SLC26A11: variants seen among roughly 807,000 people sequenced by gnomAD.
SLC26A11 encodes the protein solute carrier family 26 member 11.
Under a neutral mutation model 62.2 loss-of-function variants are expected in SLC26A11, and 58 were observed. The ratio of observed to expected loss-of-function variants is 0.93; its 90% CI spans 0.76 to 1.16. The LOEUF (loss-of-function observed/expected upper bound fraction) is 1.16. Ranked by LOEUF, SLC26A11 falls within the 50% of genes most tolerant of loss-of-function variation. The pLI is 0.00. For synonymous variants in SLC26A11, 411 were observed against 368.9 expected, an observed-to-expected ratio of 1.11 and a Z score of -1.31; for missense variants, 790 against 794.3, an observed-to-expected ratio of 0.99 and a Z score of 0.06.
chr17:80,249,343 G>A, intron 16 of SLC26A11, 56 bp downstream of exon 16: 1 of 1,593,028 alleles, frequency 6.3e-7, no homozygotes, highest in Non-Finnish European at 8.5e-7. Flanking sequence ...GCCTTCCTGT[G>A]CCTGCCTCCC....
intron 7 of SLC26A11, among the ~76,000 whole-genome samples, chr17:80,234,881 G>A (rs991968435): frequency 1.4e-5 from 2 of 143,956 alleles, no homozygotes; most frequent in Non-Finnish European, 3.0e-5. Flanking sequence ...ATGGAGTTTC[G>A]CTCTGTTGTC....
intron 1 of SLC26A11, 31 bp downstream of exon 1, chr17:80,220,527 G>A: frequency 2.2e-6 from 1 of 444,892 alleles, no homozygotes; most frequent in East Asian, 3.7e-5. Flanking sequence ...GGCGGCGAGC[G>A]GGGACCAGGG....
Position 80,238,824 on chromosome 17 carries a change from TTTG to T in SLC26A11, c.985+1233_985+1235del, listed in dbSNP as rs1482415602. Reference sequence around the variant, plus strand: ...CCCTTCAAAGGAGTTTTTTTTGTTTTTTGTTTTTTTTTTTTTTTGGAGACAGAG... The same window carrying T: ...CCCTTCAAAGGAGTTTTTTTTGTTTTTTTTTTTTTTTTTTTGGAGACAGAG... On this transcript the variant is annotated intron_variant, in intron 9 of 17. Coordinates refer to ENST00000361193, the MANE Select transcript of SLC26A11 (RefSeq NM_001166347.2). 2.3e-4 allele frequency among the ~76,000 whole-genome samples: 32 copies of T among 136,192 alleles called. 4 individuals carry two copies. The highest frequency in any genetic ancestry group is 7.5e-4 in the African/African-American group (25 of 33,214). 89.3% of individuals were successfully genotyped at this position (136,192 alleles called of 152,430 possible). A position where few individuals can be genotyped will look rare whatever the true frequency, so the allele number is the denominator to read the frequency against.
chr17:80,241,773 T>C lies in SLC26A11; in HGVS notation c.988T>C (p.Ser330Pro). 6.2e-7 allele frequency: 1 copy of C among 1,614,178 alleles called. No individual in the cohort carries two copies. Among genetic ancestry groups the C allele is most frequent in the Non-Finnish European group, 8.5e-7 (1 of 1,180,016 alleles). The change falls in exon 10 of 18, where the codon TCT becomes CCT. Residue 330 changes from serine to proline, a missense_variant and splice_region_variant. By Grantham distance (74) the Ser-to-Pro change is moderately conservative. Transcript: ENST00000361193. ...TCTTTACCGTTGGTTCCCTTTAGCA[T>C]CTCAGAATAATTACCGCATCGATGC... ...ESIAVAKAFA[S>P]QNNYRIDANQ...
chr17:80,234,880 C>T (rs1445909461), intron 7 of SLC26A11, among the ~76,000 whole-genome samples: 3 of 143,398 alleles, frequency 2.1e-5, no homozygotes, highest in Admixed American at 7.2e-5. Context: ...GATGGAGTTT[C>T]GCTCTGTTGT....
intron 5 of SLC26A11, 84 bp from the exon 6 acceptor site, chr17:80,225,753 C>T: frequency 8.2e-7 from 1 of 1,225,420 alleles, no homozygotes; most frequent in Admixed American, 1.7e-5. Context: ...TGTCTCAGCC[C>T]TAGGGGAGGT....
rs146924772 is a variant in SLC26A11 at position 80,222,786 on chromosome 17, C to A, written c.366C>A (p.Tyr122Ter). Residue 122 changes from tyrosine (Y) to a stop codon, truncating the protein, a stop_gained, in exon 4 of 18, where the codon TAC becomes TAA. Coordinates refer to ENST00000361193, the MANE Select transcript of SLC26A11 (RefSeq NM_001166347.2). LOFTEE classifies it high-confidence loss of function. This position sits in a 1 kb window ranked among gnomAD's most constrained non-coding sequence, Gnocchi z 4.7. Reference protein sequence around the residue: ...VSFYTFHEPAYAVLLAFLSGC... With the variant: ...VSFYTFHEPA Reference sequence around the variant, plus strand: ...TCTACACCTTCCATGAGCCCGCCTACGCTGTGCTGCTGGCCTTCCTGTCCG... The same window carrying A: ...TCTACACCTTCCATGAGCCCGCCTAAGCTGTGCTGCTGGCCTTCCTGTCCG... 3 of 1,614,218 alleles carry A rather than the reference C, an allele frequency of 1.9e-6. No homozygotes were observed. The African/African-American group carries it at 4.0e-5, about 22-fold the overall frequency.
At chr17:80,244,266 G>A (rs1223253872) in intron 10 of SLC26A11, among the ~76,000 whole-genome samples, 1 of 152,228 alleles carries the variant, frequency 6.6e-6, no homozygotes, top group East Asian at 1.9e-4. Context: ...CCCCAGCAAT[G>A]CTGTGGGCGT....
intron 2 of SLC26A11, 164 bp from the exon 3 acceptor site, chr17:80,221,384 C>T: frequency 1.8e-6 from 1 of 566,098 alleles, no homozygotes; most frequent in Admixed American, 3.4e-5. Flanking sequence ...TTGGCCCAGT[C>T]CCCATCTTGC....
At chr17:80,249,439 T>A (rs6565661) in intron 16 of SLC26A11, 152 bp downstream of exon 16, 1 of 1,119,958 alleles carries the variant, frequency 8.9e-7, no homozygotes, top group Non-Finnish European at 1.2e-6. Flanking sequence ...CAGTTCTTGT[T>A]CCCATCTGGC....
At chr17:80,251,180 CT>C in intron 16 of SLC26A11, 148 bp from the exon 17 acceptor site, 3 of 1,510,202 alleles carry the variant, frequency 2.0e-6, no homozygotes, top group African/African-American at 1.4e-5. Context: ...CAGCATTCCC[CT>C]GGGGCTGCGT....
Position 80,223,223 on chromosome 17 carries a change from C to T in SLC26A11, c.428-29C>T. 1.9e-6 allele frequency: 3 copies of T among 1,601,994 alleles called. No homozygotes were observed. The highest frequency in any genetic ancestry group is 2.6e-6 in the Non-Finnish European group (3 of 1,169,144). ...CTCTGGGACTGGGTGGAGCCGGGAC[C>T]AGCTCGATGTCCCCTCTTGGCTGGC... On this transcript the variant is annotated intron_variant, in intron 4 of 17. Coordinates refer to ENST00000361193, the MANE Select transcript of SLC26A11 (RefSeq NM_001166347.2). This position sits in a 1 kb window ranked among gnomAD's most constrained non-coding sequence, Gnocchi z 4.6.
At chr17:80,237,302 G>A in intron 8 of SLC26A11, 199 bp downstream of exon 8, 2 of 778,746 alleles carry the variant, frequency 2.6e-6, no homozygotes, top group Non-Finnish European at 4.0e-6. Context: ...TCACGTTTGT[G>A]TTCAGGGGCG....
chr17:80,242,856 G>C (rs2042901089), intron 10 of SLC26A11, among the ~76,000 whole-genome samples: 2 of 152,008 alleles, frequency 1.3e-5, no homozygotes, highest in Admixed American at 1.3e-4. Flanking sequence ...CTACAGGCGT[G>C]TGCCACCACG....
Position 80,228,063 on chromosome 17 carries a change from G to C in SLC26A11, c.736+103G>C, listed in dbSNP as rs1598800887. 1 of 1,062,724 alleles carries C rather than the reference G, an allele frequency of 9.4e-7. No homozygotes were observed. Among genetic ancestry groups the C allele is most frequent in the Non-Finnish European group, 1.4e-6 (1 of 736,062 alleles). 65.8% of individuals were successfully genotyped at this position (1,062,724 alleles called of 1,614,324 possible). A position where few individuals can be genotyped will look rare whatever the true frequency, so the allele number is the denominator to read the frequency against. On this transcript the variant is annotated intron_variant, in intron 7 of 17. Coordinates refer to ENST00000361193, the MANE Select transcript of SLC26A11 (RefSeq NM_001166347.2). This position sits in a 1 kb window ranked among gnomAD's most constrained non-coding sequence, Gnocchi z 4.1. ...AGGGATTCTCACGTCATTGGTCTGGGTGTCACTTGAGCATTGGGACATTTA... is the reference window on the plus strand; with the variant it reads ...AGGGATTCTCACGTCATTGGTCTGGCTGTCACTTGAGCATTGGGACATTTA...
At chr17:80,236,596 T>C (rs1187947925) in intron 7 of SLC26A11, among the ~76,000 whole-genome samples, 1 of 152,144 alleles carries the variant, frequency 6.6e-6, no homozygotes, top group Non-Finnish European at 1.5e-5. Flanking sequence ...GTAAATCTGG[T>C]TTCTTCCTCC....
rs758365577 is a variant in SLC26A11 at position 80,221,644 on chromosome 17, G to T, written c.84G>T (p.Ala28=). ...CGAGCGCCTGCTGCTGCTCCCCTGC[G>T]GCCCTGCAGAGGAGGCTGCCCATCC... ...MAPSACCCSP[A]ALQRRLPILA... is the part of the protein sequence containing the mutation. Residue 28 remains alanine (A), a synonymous_variant, in exon 3 of 18, where the codon GCG becomes GCT. Transcript: ENST00000361193. The T allele has an allele frequency of 6.2e-7, 1 of 1,612,118 alleles. No individual in the cohort carries two copies. Among genetic ancestry groups the T allele is most frequent in the Non-Finnish European group, 8.5e-7 (1 of 1,179,868 alleles).
chr17:80,241,878 C>CCGGG, intron 10 of SLC26A11, 57 bp downstream of exon 10: 1 of 1,578,770 alleles, frequency 6.3e-7, no homozygotes, highest in Non-Finnish European at 8.7e-7. Context: ...GGGTCCCAGG[C>CCGGG]CTGCCCCTCT....
At chr17:80,248,397 T>G (rs2043065767) in intron 14 of SLC26A11, 140 bp downstream of exon 14, 2 of 1,342,018 alleles carry the variant, frequency 1.5e-6, no homozygotes, top group Non-Finnish European at 2.0e-6. Context: ...GGCAGTCACC[T>G]TGCTATAAAC....
Sources: allele counts gnomAD v4.1 joint callset (sites outside exome capture counted in the v4.1 genomes callset), GRCh38; gene constraint gnomAD v4.1.1; non-coding constraint Gnocchi (gnomAD v3.1); transcripts MANE v1.5; gene names NCBI Gene and HGNC (gene_info 2026-07-23, HGNC 2026-07-21).